PROP1: variants seen among roughly 807,000 people sequenced by gnomAD.
PROP1 encodes the protein PROP paired-like homeobox 1, also known as homeobox protein prophet of Pit-1.
Under a neutral mutation model 22.3 loss-of-function variants are expected in PROP1, and 12 were observed. The ratio of observed to expected loss-of-function variants is 0.54; its 90% CI spans 0.34 to 0.87. PROP1 has a LOEUF of 0.87. PROP1 is among the 40% of genes least tolerant of loss of function. The pLI is 0.01. For synonymous variants in PROP1, 112 were observed against 116.7 expected (o/e 0.96, Z 0.26); for missense variants, 278 against 295.1 (o/e 0.94, Z 0.43).
chr5:177,992,738 T>A lies in PROP1; in HGVS notation c.652A>T (p.Ser218Cys). 2 of 1,286,030 alleles carry A rather than the reference T, an allele frequency of 1.6e-6. No homozygotes were observed. The highest frequency in any genetic ancestry group is 2.1e-6 in the Non-Finnish European group (2 of 973,648). The allele number at this position is 1,286,030 out of a possible 1,614,324, so 79.7% of individuals were successfully genotyped here. Residue 218 changes from serine (S) to cysteine (C), a missense_variant, in exon 3 of 3, where the codon AGC (serine) becomes TGC (cysteine). Physicochemically the swap from Ser to Cys is moderately radical, Grantham distance 112. Transcript: ENST00000308304. ...TTCCAGGACTTGGATGGCTCAAGGC[T>A]GAGGGGGAGCATGGGAGGGGGTGGG... ...CPPPPPMLPL[S>C]LEPSKSWN is the part of the protein sequence containing the mutation.
At chr5:177,993,857 G>A (rs183596148) in intron 2 of PROP1, among the ~76,000 whole-genome samples, 2 of 152,136 alleles carry the variant, frequency 1.3e-5, no homozygotes, top group Admixed American at 6.5e-5. Flanking sequence ...GTGAGCTATT[G>A]TGCCCAGCCG....
intron 1 of PROP1, 82 bp downstream of exon 1, chr5:177,995,742 TA>T: frequency 9.0e-7 from 1 of 1,115,570 alleles, no homozygotes; most frequent in Non-Finnish European, 1.4e-6. Flanking sequence ...TTTCTCCTCC[TA>T]ACCTTCTTCA....
At position 177,992,720 on chromosome 5, in the gene PROP1, A is replaced by G; in HGVS notation, c.670T>C (p.Ser224Pro). The G allele has an allele frequency of 3.3e-6, 5 of 1,510,962 alleles. No individual in the cohort carries two copies. The highest frequency in any genetic ancestry group is 4.5e-6 in the Non-Finnish European group (5 of 1,116,096). 93.6% of individuals were successfully genotyped at this position (1,510,962 alleles called of 1,614,324 possible). The part of the protein sequence containing the change: ...MLPLSLEPSK[S>P]WN ...GTACTTGTTTGACCTCAGTTCCAGG[A>G]CTTGGATGGCTCAAGGCTGAGGGGG... is the stretch of plus-strand genomic sequence containing the variant. Residue 224 changes from serine to proline, a missense_variant, in exon 3 of 3, where the codon TCC becomes CCC. By Grantham distance (74) the Ser-to-Pro change is moderately conservative. Transcript: ENST00000308304.
chr5:177,994,394 G>A (rs1755705120), intron 1 of PROP1, 56 bp from the exon 2 acceptor site: 14 of 1,441,150 alleles, frequency 9.7e-6, no homozygotes, highest in South Asian at 3.9e-5. Context: ...CTCGGTGCTG[G>A]ACCACATGTG....
rs1453531025 is a variant in PROP1 at position 177,992,546 on chromosome 5, C to G, written c.*163G>C. On this transcript the variant is annotated 3_prime_UTR_variant, in exon 3 of 3. Transcript: ENST00000308304. Reference sequence around the variant, plus strand: ...CCCAGACTTCCTCCACTAATCACCCCAGTGAGAATTCACCATGATCTCCCA... The same window carrying G: ...CCCAGACTTCCTCCACTAATCACCCGAGTGAGAATTCACCATGATCTCCCA... 1.8e-5 allele frequency: 11 copies of G among 621,702 alleles called. No individual in the cohort carries two copies. In the South Asian group the frequency reaches 2.2e-4, roughly 12 times the overall value. The allele number at this position is 621,702 out of a possible 1,614,324, so 38.5% of individuals were successfully genotyped here. A position where few individuals can be genotyped will look rare whatever the true frequency, so the allele number is the denominator to read the frequency against.
At chr5:177,995,022 C>T (rs1755730561) in intron 1 of PROP1, among the ~76,000 whole-genome samples, 1 of 152,176 alleles carries the variant, frequency 6.6e-6, no homozygotes, top group Non-Finnish European at 1.5e-5. Context: ...CTGTGTGCAC[C>T]TGCACCCTAA....
At position 177,992,780 on chromosome 5, in the gene PROP1, CG is replaced by C; in HGVS notation, c.609del (p.Gly204AlafsTer32). ...GGGGGTGGGGGGCAGGGCAGATGGC[CG>C]GCAGGGGCTGGGTGCAAGGTAGGGT... is the stretch of plus-strand genomic sequence containing the variant. ...DWYPTLHPAPAGHLPCPPPPP... is the reference protein window; with the variant it reads ...DWYPTLHPAPXGHLPCPPPPP... On this transcript the variant is annotated frameshift_variant, in exon 3 of 3. Coordinates refer to ENST00000308304, the MANE Select transcript of PROP1 (RefSeq NM_006261.5). LOFTEE classifies it high-confidence loss of function. 1 of 1,589,688 alleles carries C rather than the reference CG, an allele frequency of 6.3e-7. No individual in the cohort carries two copies. Among genetic ancestry groups the C allele is most frequent in the Non-Finnish European group, 8.6e-7 (1 of 1,168,862 alleles).
In PROP1 at chr5:177,992,847, T is replaced by C. The variant is rs968687505; in HGVS notation, c.543A>G (p.Thr181=). The C allele has an allele frequency of 6.2e-7, 1 of 1,611,986 alleles. No homozygotes were observed. Among genetic ancestry groups the C allele is most frequent in the East Asian group, 2.2e-5 (1 of 44,796 alleles). ...YSHALPSQPS[T]GGAFALSHQS... ...GGTGTGACAAAGCAAAGGCGCCTCC[T>C]GTGGAGGGCTGGGAAGGGAGGGCAT... Residue 181 remains threonine (T), a synonymous_variant, in exon 3 of 3, where the codon ACA becomes ACG. Transcript: ENST00000308304.
Position 177,994,163 on chromosome 5 carries a change from G to A in PROP1, c.285C>T (p.Asp95=), listed in dbSNP as rs760209079. 5 of 1,614,064 alleles carry A rather than the reference G, an allele frequency of 3.1e-6. No individual in the cohort carries two copies. The highest frequency in any genetic ancestry group is 1.7e-5 in the Admixed American group (1 of 60,008). ...GGGCAAGACTCTCTCGGGCCCAGAT[G>A]TCGGGGTACTGGTTCCTCCCAAAGG... ...ESAFGRNQYP[D]IWARESLARD... Residue 95 remains aspartate, a synonymous_variant, in exon 2 of 3, where the codon GAC becomes GAT. Coordinates refer to ENST00000308304, the MANE Select transcript of PROP1 (RefSeq NM_006261.5).
intron 1 of PROP1, 40 bp downstream of exon 1, chr5:177,995,785 G>C (rs1334372352): frequency 6.7e-7 from 1 of 1,503,580 alleles, no homozygotes; most frequent in Non-Finnish European, 9.2e-7. Context: ...CACACCCGCT[G>C]CCTCCTCAGG....
intron 1 of PROP1, among the ~76,000 whole-genome samples, chr5:177,995,186 CTACT>C (rs1020979912): frequency 1.2e-4 from 19 of 152,268 alleles, no homozygotes; most frequent in African/African-American, 4.6e-4. Context: ...ACACCCTCCC[CTACT>C]TACTTTTCAT....
At chr5:177,995,690 A>T in intron 1 of PROP1, 135 bp downstream of exon 1, 1 of 734,692 alleles carries the variant, frequency 1.4e-6, no homozygotes, top group Non-Finnish European at 2.3e-6. Flanking sequence ...TTTTACTTTC[A>T]AAGGTTCCCA....
At position 177,996,112 on chromosome 5, in the gene PROP1, C is replaced by G. The variant is rs1755763815; in HGVS notation, c.-179G>C. The G allele has an allele frequency of 1.6e-6, 1 of 639,256 alleles. No homozygotes were observed. The highest frequency in any genetic ancestry group is 2.8e-6 in the Non-Finnish European group (1 of 358,788). 39.6% of individuals were successfully genotyped at this position (639,256 alleles called of 1,614,324 possible). A position where few individuals can be genotyped will look rare whatever the true frequency, so the allele number is the denominator to read the frequency against. ...GTCTCTGACTTTTTCACTGTCTTTACTTTTTTTCTAATTGTTTCCTAATTC... is the reference window on the plus strand; with the variant it reads ...GTCTCTGACTTTTTCACTGTCTTTAGTTTTTTTCTAATTGTTTCCTAATTC... On this transcript the variant is annotated 5_prime_UTR_variant, in exon 1 of 3. Transcript: ENST00000308304.
rs1057180526 is a variant in PROP1, at chr5:177,992,409, C to T, written c.*300G>A. On this transcript the variant is annotated 3_prime_UTR_variant, in exon 3 of 3. Transcript: ENST00000308304. ...GATCTCAATTAATGAAGGCCCTCAC[C>T]TCCTAGCCCTTCAATCATCTCCACT... The T allele has an allele frequency of 2.3e-6, 1 of 431,318 alleles. No individual in the cohort carries two copies. The allele number at this position is 431,318 out of a possible 1,614,324, so 26.7% of individuals were successfully genotyped here. A position where few individuals can be genotyped will look rare whatever the true frequency, so the allele number is the denominator to read the frequency against.
Position 177,992,687 on chromosome 5 carries a change from C to G in PROP1, c.*22G>C. 1 of 1,523,376 alleles carries G rather than the reference C, an allele frequency of 6.6e-7. No homozygotes were observed. The highest frequency in any genetic ancestry group is 8.9e-7 in the Non-Finnish European group (1 of 1,118,816). 94.4% of individuals were successfully genotyped at this position (1,523,376 alleles called of 1,614,324 possible). On this transcript the variant is annotated 3_prime_UTR_variant, in exon 3 of 3. Transcript: ENST00000308304. ...CACGAGGGCCGCAGGCTGGGGATCA[C>G]CTTGGTGGTACTTGTTTGACCTCAG...
chr5:177,994,262 C>G lies in PROP1; in HGVS notation c.186G>C (p.Gln62His). The G allele has an allele frequency of 1.9e-6, 3 of 1,613,920 alleles. No homozygotes were observed. Among genetic ancestry groups the G allele is most frequent in the Non-Finnish European group, 2.5e-6 (3 of 1,179,882 alleles). The change falls in exon 2 of 3, where the codon CAG (glutamine) becomes CAC (histidine). Residue 62 changes from glutamine to histidine, a missense_variant. Physicochemically the swap from Gln to His is conservative, Grantham distance 24. Transcript: ENST00000308304. Reference sequence around the variant, plus strand: ...GGCGCCGGGAGTGCGGGCGGCCCCTCTGTCCTCCTTGCGGGGAGAACCTTG... The same window carrying G: ...GGCGCCGGGAGTGCGGGCGGCCCCTGTGTCCTCCTTGCGGGGAGAACCTTG... The part of the protein sequence containing the change: ...GRSRFSPQGG[Q>H]RGRPHSRRRH...
Position 177,996,125 on chromosome 5 carries a change from TG to T in PROP1, c.-193del. The T allele has an allele frequency of 1.6e-6, 1 of 621,826 alleles. No homozygotes were observed. The highest frequency in any genetic ancestry group is 2.9e-6 in the Non-Finnish European group (1 of 348,392). The allele number at this position is 621,826 out of a possible 1,614,324, so 38.5% of individuals were successfully genotyped here. On this transcript the variant is annotated 5_prime_UTR_variant, in exon 1 of 3. Coordinates refer to ENST00000308304, the MANE Select transcript of PROP1 (RefSeq NM_006261.5). ...TCACTGTCTTTACTTTTTTTCTAAT[TG>T]TTTCCTAATTCCCCCTTCCTTGGCT...
chr5:177,995,906 C>T lies in PROP1; in HGVS notation c.28G>A (p.Glu10Lys), dbSNP rs570907973. 4.1e-5 allele frequency: 66 copies of T among 1,614,000 alleles called. 1 individual carries two copies. The highest frequency in any genetic ancestry group is 2.7e-4 in the East Asian group (12 of 44,862). ...CCGACTCGCCCCTTCTTTGGCTTCT[C>T]AGCCTGGCGCCTCCTTTCTGCTTCC... is the stretch of plus-strand genomic sequence containing the variant. MEAERRRQA[E>K]KPKKGRVGSN... Residue 10 changes from glutamate to lysine, a missense_variant, in exon 1 of 3, where the codon GAG (glutamate) becomes AAG (lysine). Transcript: ENST00000308304.
Position 177,995,837 on chromosome 5 carries a change from T to A in PROP1, c.97A>T (p.Thr33Ser). ...PERHPATGTP[T>S]TTVDSSAPPC... ...GACGGTCACTCACCCACCGTGGTGG[T>A]CGGGGTCCCAGTGGCCGGGTGTCTC... Residue 33 changes from threonine to serine, a missense_variant, in exon 1 of 3, where the codon ACC becomes TCC. By Grantham distance (58) the Thr-to-Ser change is moderately conservative. Coordinates refer to ENST00000308304, the MANE Select transcript of PROP1 (RefSeq NM_006261.5). 1 of 1,613,734 alleles carries A rather than the reference T, an allele frequency of 6.2e-7. No homozygotes were observed.
Sources: gnomAD v4.1 joint callset for allele counts (sites outside exome capture counted in the v4.1 genomes callset) on GRCh38, gnomAD v4.1.1 for gene constraint, MANE v1.5 for transcripts, NCBI Gene and HGNC (gene_info 2026-07-23, HGNC 2026-07-21) for gene names.